The following MYO9B variants were observed in gnomAD, a reference collection of about 807,000 sequenced individuals.
MYO9B encodes the protein unconventional myosin-IXb.
A neutral mutation model predicts 229.5 loss-of-function variants in MYO9B; 71 were observed. The ratio of observed to expected loss-of-function variants is 0.31; its 90% CI spans 0.26 to 0.38. MYO9B has a LOEUF of 0.38. Ranked by LOEUF, MYO9B falls within the 10% of genes least tolerant of loss-of-function variation. The pLI, the probability that MYO9B is intolerant of heterozygous loss-of-function variation, is 1.00. For synonymous variants in MYO9B, 1,185 were observed against 1,235.8 expected (o/e 0.96, Z 0.86); for missense variants, 2,255 against 2,920.5 (o/e 0.77, Z 5.25).
chr19:17,145,225 A>G (rs993289984), intron 2 of MYO9B, among the ~76,000 whole-genome samples, 172 bp from the exon 3 acceptor site: 1 of 152,088 alleles, frequency 6.6e-6, no homozygotes, highest in Non-Finnish European at 1.5e-5. Flanking sequence ...GCAGTGAGCC[A>G]AGATTGTGCC....
intron 2 of MYO9B, among the ~76,000 whole-genome samples, chr19:17,119,512 G>T (rs1000380501): frequency 6.6e-6 from 1 of 152,158 alleles, no homozygotes; most frequent in Non-Finnish European, 1.5e-5. Flanking sequence ...GCCTGAGTGC[G>T]CTCCCATCCT....
chr19:17,109,550 G>A (rs1017553131), intron 2 of MYO9B, among the ~76,000 whole-genome samples: 4 of 152,154 alleles, frequency 2.6e-5, no homozygotes, highest in South Asian at 2.1e-4. Context: ...AAAGTATTAC[G>A]GGCTGGGAGC....
intron 35 of MYO9B, among the ~76,000 whole-genome samples, chr19:17,209,275 G>A (rs1294828663): frequency 3.9e-5 from 6 of 152,244 alleles, no homozygotes. Flanking sequence ...TTGCCCCTGG[G>A]ACAAACTGCC....
intron 1 of MYO9B, among the ~76,000 whole-genome samples, chr19:17,076,662 C>T (rs117286252): frequency 6.6e-6 from 1 of 152,174 alleles, no homozygotes; most frequent in Non-Finnish European, 1.5e-5. Flanking sequence ...AGTCCCAACA[C>T]CCTCTGTGCC....
intron 1 of MYO9B, chr19:17,095,393 A>T: frequency 6.6e-6 from 1 of 152,434 alleles, no homozygotes; most frequent in East Asian, 1.9e-4. Flanking sequence ...GCAACCACCA[A>T]TCTGCTTCCT....
intron 10 of MYO9B, among the ~76,000 whole-genome samples, chr19:17,165,164 C>T (rs2072645274): frequency 6.6e-6 from 1 of 152,052 alleles, no homozygotes; most frequent in South Asian, 2.1e-4. Context: ...TTAACGTGAT[C>T]ACATTTTAGA....
At chr19:17,120,945 CTTGTTG>C in intron 2 of MYO9B, among the ~76,000 whole-genome samples, 1 of 152,184 alleles carries the variant, frequency 6.6e-6, no homozygotes, top group African/African-American at 2.4e-5. Flanking sequence ...TCTGGGGTTT[CTTGTTG>C]TTGTTTTTCA....
At chr19:17,117,798 C>G (rs1238975866) in intron 2 of MYO9B, among the ~76,000 whole-genome samples, 1 of 151,708 alleles carries the variant, frequency 6.6e-6, no homozygotes, top group Admixed American at 6.6e-5. Context: ...ATTAGCCAAG[C>G]GTGGTGGCAG....
chr19:17,172,197 C>A lies in MYO9B; in HGVS notation c.1794-139C>A. ...ACTCCTTCACCCACCCCTCTGTGCA[C>A]AGAGCCCTGTGCCACTTCACTGCTC... is the stretch of plus-strand genomic sequence containing the variant. On this transcript the variant is annotated intron_variant, in intron 11 of 39. Transcript: ENST00000682292. The surrounding 1 kb of genome is among the most constrained non-coding windows in gnomAD (Gnocchi z 8.2). 1 of 1,098,510 alleles carries A rather than the reference C, an allele frequency of 9.1e-7. No homozygotes were observed. Among genetic ancestry groups the A allele is most frequent in the Non-Finnish European group, 1.3e-6 (1 of 779,068 alleles). 68.0% of individuals were successfully genotyped at this position (1,098,510 alleles called of 1,614,324 possible). A position where few individuals can be genotyped will look rare whatever the true frequency, so the allele number is the denominator to read the frequency against.
chr19:17,182,094 G>C (rs1360485879), intron 15 of MYO9B, among the ~76,000 whole-genome samples: 1 of 146,766 alleles, frequency 6.8e-6, no homozygotes, highest in African/African-American at 2.5e-5. Flanking sequence ...TCTTTTTTAA[G>C]AGATGGGGGT....
At chr19:17,184,816 C>G (rs1440741589) in intron 16 of MYO9B, 49 bp from the exon 17 acceptor site, 1 of 1,609,644 alleles carries the variant, frequency 6.2e-7, no homozygotes, top group East Asian at 2.2e-5. Flanking sequence ...CCTCCCCGTG[C>G]CCGTGTGGGC....
At chr19:17,078,735 A>G (rs566852019) in intron 1 of MYO9B, among the ~76,000 whole-genome samples, 1 of 151,938 alleles carries the variant, frequency 6.6e-6, no homozygotes, top group African/African-American at 2.4e-5. Context: ...GTGTTAAACC[A>G]CTCCGGGTGG....
At chr19:17,182,116 G>A (rs1321771829) in intron 15 of MYO9B, among the ~76,000 whole-genome samples, 1 of 146,254 alleles carries the variant, frequency 6.8e-6, no homozygotes, top group East Asian at 2.0e-4. Flanking sequence ...TCATTCTGTT[G>A]CCCAGGCTAC....
chr19:17,101,569 C>A lies in MYO9B; in HGVS notation c.-58-91C>A. On this transcript the variant is annotated intron_variant, in intron 1 of 39. Transcript: ENST00000682292. This position sits in a 1 kb window ranked among gnomAD's most constrained non-coding sequence, Gnocchi z 4.7. Reference sequence around the variant, plus strand: ...CGGGTGGGGAACTCCAGCATCGGGTCAGGTGCTATCTGCCCAGGAGTGGGA... The same window carrying A: ...CGGGTGGGGAACTCCAGCATCGGGTAAGGTGCTATCTGCCCAGGAGTGGGA... 7.9e-7 allele frequency: 1 copy of A among 1,268,816 alleles called. No individual in the cohort carries two copies. The allele number at this position is 1,268,816 out of a possible 1,614,324, so 78.6% of individuals were successfully genotyped here.
intron 31 of MYO9B, 46 bp downstream of exon 31, chr19:17,205,382 C>T (rs369590724): frequency 3.5e-5 from 55 of 1,563,008 alleles, no homozygotes; most frequent in African/African-American, 5.4e-5. Flanking sequence ...ACTCCACTCA[C>T]GGCCAGGTGC....
Position 17,180,931 on chromosome 19 carries a change from T to C in MYO9B, c.2224T>C (p.Leu742=), listed in dbSNP as rs201274072. ...STPSEKLYRD[L]HNQMIKSIKG... ...CCCCTCCACCCCTCCCCTCAGCGAT[T>C]TGCATAACCAAATGATCAAGAGCAT... Residue 742 remains leucine (L), a synonymous_variant, in exon 15 of 40, where the codon TTG becomes CTG. Transcript: ENST00000682292. 2.5e-6 allele frequency: 4 copies of C among 1,605,762 alleles called. No individual in the cohort carries two copies. In the Admixed American group the frequency reaches 5.1e-5, roughly 21 times the overall value.
At chr19:17,187,814 G>A (rs1316027464) in intron 18 of MYO9B, 121 bp from the exon 19 acceptor site, 44 of 768,620 alleles carry the variant, frequency 5.7e-5, no homozygotes, top group South Asian at 5.3e-4. Flanking sequence ...GGCATCCCAA[G>A]AGGCAGTGGT....
Position 17,194,947 on chromosome 19 carries a change from G to GAAC in MYO9B, c.3520_3521insAAC (p.Ala1174delinsGluPro), listed in dbSNP as rs2145459365. Reference sequence around the variant, plus strand: ...CATCCAGTCCTGCAAGGAGGAGAGTGCCCTCAGAGAACCTTCCAGAAGGGT... The same window carrying GAAC: ...CATCCAGTCCTGCAAGGAGGAGAGTGAACCCCTCAGAGAACCTTCCAGAAGGGT... On this transcript the variant is annotated protein_altering_variant, in exon 22 of 40. Transcript: ENST00000682292. 1 of 1,613,410 alleles carries GAAC rather than the reference G, an allele frequency of 6.2e-7. No homozygotes were observed. Among genetic ancestry groups the GAAC allele is most frequent in the Non-Finnish European group, 8.5e-7 (1 of 1,179,888 alleles).
At position 17,185,958 on chromosome 19, in the gene MYO9B, C is replaced by T. The variant is rs765822270; in HGVS notation, c.2534C>T (p.Ala845Val). The change falls in exon 18 of 40, where the codon GCG (alanine) becomes GTG (valine). Residue 845 changes from alanine (A) to valine (V), a missense_variant. Ala to Val is a moderately conservative substitution (Grantham distance 64, BLOSUM62 0). Coordinates refer to ENST00000682292, the MANE Select transcript of MYO9B (RefSeq NM_004145.4). Reference protein sequence around the residue: ...LNKLLEALGKAEPFFIRCIRS... With the variant: ...LNKLLEALGKVEPFFIRCIRS... ...AAGCTCTTGGAGGCACTGGGGAAGG[C>T]GGAGCCCTTCTTTATCCGCTGCATC... The T allele has an allele frequency of 6.2e-6, 10 of 1,613,944 alleles. No individual in the cohort carries two copies. Among genetic ancestry groups the T allele is most frequent in the East Asian group, 2.2e-5 (1 of 44,876 alleles).
Sources: allele counts gnomAD v4.1 joint callset (sites outside exome capture counted in the v4.1 genomes callset), GRCh38; gene constraint gnomAD v4.1.1; non-coding constraint Gnocchi (gnomAD v3.1); transcripts MANE v1.5; gene names NCBI Gene and HGNC (gene_info 2026-07-23, HGNC 2026-07-21).